The following ADAM9 variants were observed in gnomAD, a reference collection of about 807,000 sequenced individuals.
ADAM9 encodes ADAM metallopeptidase domain 9.
In ADAM9, 54 loss-of-function variants were observed where a neutral mutation model predicts 108.1. That is an observed-to-expected ratio of 0.50 (90% CI 0.40 to 0.63). The LOEUF is 0.63. ADAM9 is among the 20% of genes least tolerant of loss of function. The pLI, the probability that ADAM9 is intolerant of heterozygous loss-of-function variation, is 0.00. For missense variants in ADAM9, 830 were observed against 997.7 expected (o/e 0.83, Z 2.26); for synonymous variants, 316 against 336.0 (o/e 0.94, Z 0.65).
chr8:39,083,752 T>G (rs1234513328), intron 18 of ADAM9, among the ~76,000 whole-genome samples: 1 of 152,234 alleles, frequency 6.6e-6, no homozygotes, highest in Non-Finnish European at 1.5e-5. Context: ...ATTACTGATT[T>G]GCTTTTTAAA....
At chr8:39,082,531 G>A in intron 16 of ADAM9, 110 bp from the exon 17 acceptor site, 1 of 785,514 alleles carries the variant, frequency 1.3e-6, no homozygotes, top group South Asian at 1.6e-5. Context: ...TTCCTTGAAA[G>A]TTTGAAAGAA....
chr8:39,089,887 C>A, intron 18 of ADAM9, 160 bp from the exon 19 acceptor site: 1 of 753,322 alleles, frequency 1.3e-6, no homozygotes, highest in South Asian at 1.6e-5. Context: ...AGAAGTAAAG[C>A]GGACAGGAAT....
At chr8:39,079,599 T>A (rs1474992590) in intron 16 of ADAM9, among the ~76,000 whole-genome samples, 1 of 151,550 alleles carries the variant, frequency 6.6e-6, no homozygotes, top group Admixed American at 6.6e-5. Context: ...CATGAATTTT[T>A]TTTTTTTTTT....
intron 11 of ADAM9, among the ~76,000 whole-genome samples, chr8:39,033,277 T>C (rs532049346): frequency 6.6e-6 from 1 of 152,208 alleles, no homozygotes; most frequent in African/African-American, 2.4e-5. Flanking sequence ...CTGTATCCTA[T>C]AACCTTACTG....
chr8:39,026,663 C>G lies in ADAM9; in HGVS notation c.997-14C>G, dbSNP rs900446821. 4 of 1,614,112 alleles carry G rather than the reference C, an allele frequency of 2.5e-6. No individual in the cohort carries two copies. Among genetic ancestry groups the G allele is most frequent in the Non-Finnish European group, 3.4e-6 (4 of 1,180,006 alleles). ...CGTTCAGAAACCTAATTACTACCTT[C>G]CTGTTCTGAACAGTTTGGACAAATC... On this transcript the variant is annotated splice_polypyrimidine_tract_variant and intron_variant, in intron 10 of 21. Transcript: ENST00000487273.
At chr8:39,059,825 C>T (rs181285981) in intron 14 of ADAM9, among the ~76,000 whole-genome samples, 1 of 152,188 alleles carries the variant, frequency 6.6e-6, no homozygotes, top group South Asian at 2.1e-4. Context: ...ACCAGGTCTC[C>T]GTCTTCTTTT....
intron 16 of ADAM9, among the ~76,000 whole-genome samples, chr8:39,081,503 G>A (rs1375757452): frequency 1.3e-5 from 2 of 152,126 alleles, no homozygotes; most frequent in African/African-American, 2.4e-5. Flanking sequence ...AAAGACTTGC[G>A]GATGTAAGAA....
chr8:39,047,713 A>G (rs1837818354), intron 12 of ADAM9, among the ~76,000 whole-genome samples: 1 of 151,862 alleles, frequency 6.6e-6, no homozygotes, highest in Non-Finnish European at 1.5e-5. Context: ...AATATTGCTT[A>G]TCTTTTGAAA....
In ADAM9 at chr8:39,104,068, TCTAC is replaced by T. The variant is rs1564398269; in HGVS notation, c.*371_*374del. On this transcript the variant is annotated 3_prime_UTR_variant, in exon 22 of 22. Transcript: ENST00000487273. ...AGTGTTTAAGTGTTATTCTGAATTTTCTACCTTAGTTATCATTAATGTAGTTCCT... is the reference window on the plus strand; with the variant it reads ...AGTGTTTAAGTGTTATTCTGAATTTTCTTAGTTATCATTAATGTAGTTCCT... 1 of 467,450 alleles carries T rather than the reference TCTAC, an allele frequency of 2.1e-6. No homozygotes were observed. Among genetic ancestry groups the T allele is most frequent in the Admixed American group, 2.3e-5 (1 of 42,952 alleles). 29.0% of individuals were successfully genotyped at this position (467,450 alleles called of 1,614,324 possible).
chr8:39,006,905 TTGAG>T (rs1275434954), intron 1 of ADAM9, among the ~76,000 whole-genome samples: 3 of 152,326 alleles, frequency 2.0e-5, no homozygotes, highest in African/African-American at 7.2e-5. Context: ...GGCTACATTG[TTGAG>T]TATGTATTTG....
intron 14 of ADAM9, among the ~76,000 whole-genome samples, chr8:39,057,013 ACTTTTCTATGTTTAGATATGTTTAGATAC>A (rs1432443590): frequency 6.6e-6 from 1 of 152,132 alleles, no homozygotes; most frequent in East Asian, 1.9e-4. Context: ...TTTTACTGTA[ACTTTTCTATGTTTAGATATGTTTAGATAC>A]CTTTTCTATG....
At chr8:39,032,519 A>G (rs1837129999) in intron 11 of ADAM9, among the ~76,000 whole-genome samples, 2 of 152,214 alleles carry the variant, frequency 1.3e-5, no homozygotes, top group Non-Finnish European at 2.9e-5. Flanking sequence ...TGCTAAGACC[A>G]TTGGAAAAGC....
chr8:39,017,086 A>G (rs1446550866), intron 5 of ADAM9, 133 bp from the exon 6 acceptor site: 1 of 952,334 alleles, frequency 1.1e-6, no homozygotes, highest in Admixed American at 2.2e-5. Flanking sequence ...CTGATTCTAA[A>G]GCCTCTATTT....
chr8:39,077,165 ATTT>A, intron 15 of ADAM9, 60 bp from the exon 16 acceptor site: 1 of 1,564,198 alleles, frequency 6.4e-7, no homozygotes, highest in South Asian at 1.1e-5. Context: ...AAATATATAA[ATTT>A]TTTCTTTTGT....
intron 8 of ADAM9, among the ~76,000 whole-genome samples, chr8:39,022,328 C>G (rs1036643731): frequency 6.6e-6 from 1 of 152,124 alleles, no homozygotes; most frequent in Admixed American, 6.6e-5. Context: ...TTACTCCTTA[C>G]AGTACCCCTA....
Position 38,997,159 on chromosome 8 carries a change from A to AGGTG in ADAM9, c.97+4_97+7dup. Reference sequence around the variant, plus strand: ...GCCCAGTCCTCGGTGCGGCGCGGCCAGGTGGGTGTCCGCGCCCCGGGTCGG... The same window carrying AGGTG: ...GCCCAGTCCTCGGTGCGGCGCGGCCAGGTGGGTGGGTGTCCGCGCCCCGGGTCGG... On this transcript the variant is annotated frameshift_variant and splice_region_variant, in exon 1 of 22. Transcript: ENST00000487273. LOFTEE classifies it high-confidence loss of function. The AGGTG allele has an allele frequency of 6.3e-7, 1 of 1,597,418 alleles. No homozygotes were observed. Among genetic ancestry groups the AGGTG allele is most frequent in the Non-Finnish European group, 8.5e-7 (1 of 1,178,346 alleles).
chr8:39,039,285 A>G (rs1588367120), intron 11 of ADAM9, among the ~76,000 whole-genome samples: 1 of 152,174 alleles, frequency 6.6e-6, no homozygotes, highest in East Asian at 1.9e-4. Flanking sequence ...TATATGTAAG[A>G]TATAAATTTT....
intron 12 of ADAM9, among the ~76,000 whole-genome samples, chr8:39,045,585 T>C (rs376282324): frequency 2.0e-5 from 3 of 151,082 alleles, no homozygotes; most frequent in African/African-American, 7.3e-5. Context: ...TATATATATA[T>C]ATAAAAGATT....
chr8:39,086,023 T>C (rs188651149), intron 18 of ADAM9, among the ~76,000 whole-genome samples: 1 of 152,256 alleles, frequency 6.6e-6, no homozygotes, highest in Non-Finnish European at 1.5e-5. Flanking sequence ...AATTTAACTT[T>C]ACTTTTTTTG....
Sources: allele counts gnomAD v4.1 joint callset (sites outside exome capture counted in the v4.1 genomes callset), GRCh38; gene constraint gnomAD v4.1.1; transcripts MANE v1.5; gene names NCBI Gene and HGNC (gene_info 2026-07-23, HGNC 2026-07-21).